The following TBC1D32 variants were observed in gnomAD, a reference collection of about 807,000 sequenced individuals.
The protein encoded by TBC1D32 is TBC1 domain family member 32.
In TBC1D32, 151 loss-of-function variants were observed where a neutral mutation model predicts 170.3. That is an observed-to-expected ratio of 0.89 (90% confidence interval 0.78 to 1.01). The LOEUF (loss-of-function observed/expected upper bound fraction) is 1.01. TBC1D32 is among the 50% of genes least tolerant of loss of function. TBC1D32 has a pLI of 0.00. For synonymous variants in TBC1D32, 498 were observed against 488.0 expected (o/e 1.02, Z -0.27); for missense variants, 1,464 against 1,457.1 (o/e 1.00, Z -0.08).
intron 10 of TBC1D32, among the ~76,000 whole-genome samples, chr6:121,298,585 T>C (rs1221978147): frequency 2.0e-5 from 3 of 152,132 alleles, no homozygotes; most frequent in Non-Finnish European, 4.4e-5. Flanking sequence ...AAAACCTATT[T>C]AAATTCAATT....
At chr6:121,228,774 T>C (rs1269719670) in intron 20 of TBC1D32, among the ~76,000 whole-genome samples, 1 of 152,126 alleles carries the variant, frequency 6.6e-6, no homozygotes, top group Non-Finnish European at 1.5e-5. Flanking sequence ...GTGGTATTCA[T>C]ATCATGTAAT....
At chr6:121,334,557 G>A (rs1016794005), upstream of TBC1D32, 2 of 1,156,700 alleles carry the variant, frequency 1.7e-6, no homozygotes, top group Non-Finnish European at 1.2e-6. Context: ...ATACCGCGGC[G>A]AGCGCCTGTG....
intron 25 of TBC1D32, among the ~76,000 whole-genome samples, chr6:121,126,808 C>T (rs1780908267): frequency 1.3e-5 from 2 of 150,342 alleles, no homozygotes; most frequent in African/African-American, 4.9e-5. Context: ...TTATGCATAA[C>T]AAAAAAAAAG....
chr6:121,175,037 A>AT (rs926818108), intron 22 of TBC1D32, among the ~76,000 whole-genome samples: 2 of 149,258 alleles, frequency 1.3e-5, no homozygotes, highest in Non-Finnish European at 3.0e-5. Context: ...AAAAAAAAAA[A>AT]ACTGATAAGA....
At chr6:121,272,685 G>T (rs1055696853) in intron 15 of TBC1D32, among the ~76,000 whole-genome samples, 23 of 152,108 alleles carry the variant, frequency 1.5e-4, no homozygotes, top group Admixed American at 1.4e-3. Context: ...TTCAACCATT[G>T]TGGAAGACAG....
chr6:121,116,420 A>G (rs1779690121), intron 26 of TBC1D32, among the ~76,000 whole-genome samples: 1 of 152,216 alleles, frequency 6.6e-6, no homozygotes, highest in East Asian at 1.9e-4. Context: ...AATAGGAATG[A>G]TACAGATAAA....
chr6:121,256,096 C>T lies in TBC1D32; in HGVS notation c.1923G>A (p.Lys641=). The T allele has an allele frequency of 1.2e-6, 2 of 1,608,144 alleles. No individual in the cohort carries two copies. Among genetic ancestry groups the T allele is most frequent in the Non-Finnish European group, 1.7e-6 (2 of 1,178,712 alleles). The change falls in exon 16 of 32, where the codon AAG becomes AAA. Residue 641 remains lysine (K), a synonymous_variant. Transcript: ENST00000398212. ...ITYNLHESIA[K]AWKKTSLLSE... ...TGAAAATACTTACCTTTTTCCATGCCTTTGCTATAGATTCATGCAAATTAT... is the reference window on the plus strand; with the variant it reads ...TGAAAATACTTACCTTTTTCCATGCTTTTGCTATAGATTCATGCAAATTAT...
At chr6:121,270,313 C>A (rs1044964335) in intron 15 of TBC1D32, among the ~76,000 whole-genome samples, 6 of 151,932 alleles carry the variant, frequency 3.9e-5, no homozygotes, top group African/African-American at 1.5e-4. Context: ...CAAAAAAAAT[C>A]AATGAATCCA....
intron 24 of TBC1D32, among the ~76,000 whole-genome samples, chr6:121,143,987 A>C (rs549849296): frequency 1.3e-4 from 20 of 152,288 alleles, no homozygotes; most frequent in African/African-American, 3.8e-4. Context: ...CCCTGTAAAA[A>C]TATCTTCCTA....
At chr6:121,287,199 C>T (rs1028803490) in intron 12 of TBC1D32, among the ~76,000 whole-genome samples, 3 of 152,062 alleles carry the variant, frequency 2.0e-5, no homozygotes, top group Non-Finnish European at 2.9e-5. Context: ...TTAAAAGACA[C>T]GGAGTAGCAA....
chr6:121,113,419 A>G (rs1286432685), intron 27 of TBC1D32, among the ~76,000 whole-genome samples: 1 of 152,224 alleles, frequency 6.6e-6, no homozygotes, highest in East Asian at 1.9e-4. Flanking sequence ...GATGAAACGT[A>G]TAATATAAGC....
intron 22 of TBC1D32, among the ~76,000 whole-genome samples, chr6:121,187,403 T>A (rs1789338789): frequency 6.6e-6 from 1 of 152,284 alleles, no homozygotes; most frequent in Non-Finnish European, 1.5e-5. Context: ...TTCTCAGTAG[T>A]GCCCTTAATT....
intron 1 of TBC1D32, among the ~76,000 whole-genome samples, chr6:121,323,497 G>C (rs1810034505): frequency 6.6e-6 from 1 of 152,176 alleles, no homozygotes; most frequent in South Asian, 2.1e-4. Flanking sequence ...ACAATTGGCT[G>C]CCTATTATCT....
At chr6:121,290,335 C>A (rs993745056) in intron 12 of TBC1D32, among the ~76,000 whole-genome samples, 3 of 152,094 alleles carry the variant, frequency 2.0e-5, no homozygotes, top group South Asian at 2.1e-4. Flanking sequence ...AACAAGTGGG[C>A]AAAGGATATA....
chr6:121,330,423 A>G (rs937853759), intron 1 of TBC1D32, among the ~76,000 whole-genome samples: 2 of 152,220 alleles, frequency 1.3e-5, no homozygotes, highest in Non-Finnish European at 2.9e-5. Flanking sequence ...AAAACAAAGA[A>G]TAACACTCAA....
intron 22 of TBC1D32, among the ~76,000 whole-genome samples, chr6:121,168,276 G>A (rs202203083): frequency 0.14 from 18,539 of 135,142 alleles, 1,570 homozygotes; most frequent in African/African-American, 0.23. Flanking sequence ...TGTTTATTGC[G>A]GCAGTATTCA....
chr6:121,254,070 A>G (rs1798650981), intron 17 of TBC1D32, among the ~76,000 whole-genome samples: 1 of 151,998 alleles, frequency 6.6e-6, no homozygotes, highest in African/African-American at 2.4e-5. Flanking sequence ...AAAAAAAAGG[A>G]AATAATGTCT....
intron 30 of TBC1D32, among the ~76,000 whole-genome samples, chr6:121,100,796 G>A (rs1366066664): frequency 6.6e-6 from 1 of 151,966 alleles, no homozygotes; most frequent in African/African-American, 2.4e-5. Flanking sequence ...ATGAATCCAG[G>A]AGCTGTTTTT....
chr6:121,153,600 C>T (rs1376406666), intron 24 of TBC1D32, among the ~76,000 whole-genome samples: 2 of 152,106 alleles, frequency 1.3e-5, no homozygotes, highest in Non-Finnish European at 2.9e-5. Flanking sequence ...CACAACCGCC[C>T]CTTCCCCCTG....
Sources: gnomAD v4.1 joint callset for allele counts (sites outside exome capture counted in the v4.1 genomes callset) on GRCh38, gnomAD v4.1.1 for gene constraint, MANE v1.5 for transcripts, NCBI Gene and HGNC (gene_info 2026-07-23, HGNC 2026-07-21) for gene names.